The following PDE3B variants were observed in gnomAD, a reference collection of about 807,000 sequenced individuals.
PDE3B encodes cGMP-inhibited 3',5'-cyclic phosphodiesterase 3B.
A neutral mutation model predicts 116.8 loss-of-function variants in PDE3B; 66 were observed. The ratio of observed to expected loss-of-function variants is 0.56; its 90% CI spans 0.46 to 0.69. The LOEUF (loss-of-function observed/expected upper bound fraction) is 0.69. PDE3B is among the 30% of genes least tolerant of loss of function. PDE3B has a pLI of 0.00. For missense variants in PDE3B, 1,384 were observed against 1,368.1 expected, an observed-to-expected ratio of 1.01 and a Z score of -0.18; for synonymous variants, 595 against 533.6, an observed-to-expected ratio of 1.12 and a Z score of -1.59.
chr11:14,768,284 A>G (rs1397456394), intron 1 of PDE3B, among the ~76,000 whole-genome samples: 1 of 151,516 alleles, frequency 6.6e-6, no homozygotes, highest in Non-Finnish European at 1.5e-5. Context: ...TCAACCCACC[A>G]TTACTGGTGT....
chr11:14,718,723 C>T (rs1464258637), intron 1 of PDE3B, among the ~76,000 whole-genome samples: 10 of 150,060 alleles, frequency 6.7e-5, no homozygotes, highest in Non-Finnish European at 1.0e-4. Flanking sequence ...TTGAAACCAA[C>T]GAGAACAAAC....
At position 14,686,700 on chromosome 11, in the gene PDE3B, A is replaced by G. The variant is rs1854883566; in HGVS notation, c.978+41647A>G. On this transcript the variant is annotated intron_variant, in intron 1 of 15. Coordinates refer to ENST00000282096, the MANE Select transcript of PDE3B (RefSeq NM_000922.4). The stretch of plus-strand genomic sequence containing the variant: ...TTATTATTCAGTTAACAAACTGAAT[A>G]TCATTCTTTGTTTTTATTTTTATTT... Among the ~76,000 whole-genome samples, 4 of 152,120 alleles carry G rather than the reference A, an allele frequency of 2.6e-5. No homozygotes were observed. The South Asian group carries it at 6.2e-4, about 24-fold the overall frequency.
the PDE3B span, chr11:14,886,116 A>C: frequency 1.7e-6 from 1 of 593,438 alleles, no homozygotes; most frequent in Non-Finnish European, 3.0e-6. Context: ...TCATTATGCC[A>C]TTCAGTGCCT....
the PDE3B span, chr11:14,892,161 G>C: frequency 6.2e-7 from 1 of 1,610,742 alleles, no homozygotes. Flanking sequence ...AGAGCGCGCC[G>C]CCGAGCGCCG....
chr11:14,660,021 G>C (rs1853842677), intron 1 of PDE3B, among the ~76,000 whole-genome samples: 1 of 152,120 alleles, frequency 6.6e-6, no homozygotes, highest in South Asian at 2.1e-4. Context: ...TTCCATAAAA[G>C]GTTCTCTTTA....
chr11:14,739,059 T>G (rs1168673616), intron 1 of PDE3B, among the ~76,000 whole-genome samples: 1 of 152,220 alleles, frequency 6.6e-6, no homozygotes, highest in Non-Finnish European at 1.5e-5. Context: ...TTGTTCTTTT[T>G]GCTTAGGATT....
intron 4 of PDE3B, among the ~76,000 whole-genome samples, chr11:14,792,968 ACTCCT>A (rs1217847934): frequency 6.6e-6 from 1 of 151,784 alleles, no homozygotes; most frequent in African/African-American, 2.4e-5. Context: ...AGCCATTACT[ACTCCT>A]CTAAAGCCTG....
At chr11:14,674,333 C>A in intron 1 of PDE3B, 2 of 878,768 alleles carry the variant, frequency 2.3e-6, no homozygotes, top group Non-Finnish European at 3.8e-6. Flanking sequence ...TTTTGAAGTT[C>A]TTATTCTTTC....
intron 5 of PDE3B, 24 bp downstream of exon 5, chr11:14,804,074 C>CA (rs1565144679): frequency 8.0e-7 from 1 of 1,244,554 alleles, no homozygotes; most frequent in Admixed American, 1.7e-5. Context: ...CTTTATGACT[C>CA]AAATATGGGG....
chr11:14,800,606 A>G (rs564318453), intron 4 of PDE3B, among the ~76,000 whole-genome samples: 2 of 152,054 alleles, frequency 1.3e-5, no homozygotes, highest in South Asian at 2.1e-4. Context: ...CTTCATTTCA[A>G]CTTCGGTGAA....
intron 1 of PDE3B, among the ~76,000 whole-genome samples, chr11:14,761,832 T>C (rs2133888109): frequency 6.6e-6 from 1 of 152,310 alleles, no homozygotes; most frequent in Admixed American, 6.5e-5. Flanking sequence ...AATTTCTATC[T>C]GACTAATAAA....
chr11:14,877,961 T>C, the PDE3B span: 1 of 687,416 alleles, frequency 1.5e-6, no homozygotes, highest in Admixed American at 3.0e-5. Context: ...CAATCACGAC[T>C]AGTGCTTGTT....
chr11:14,719,011 T>A (rs1164057915), intron 1 of PDE3B, among the ~76,000 whole-genome samples: 2 of 112,176 alleles, frequency 1.8e-5, no homozygotes, highest in Non-Finnish European at 3.6e-5. Context: ...TCAACAAAAT[T>A]GATAGACTGC....
chr11:14,844,221 G>A (rs1334914298), intron 12 of PDE3B, among the ~76,000 whole-genome samples, 195 bp downstream of exon 12: 1 of 152,178 alleles, frequency 6.6e-6, no homozygotes, highest in African/African-American at 2.4e-5. Context: ...TCAACTTCTT[G>A]AACTAGAAAA....
chr11:14,783,222 C>G (rs1236855746), intron 2 of PDE3B, among the ~76,000 whole-genome samples: 2 of 152,206 alleles, frequency 1.3e-5, no homozygotes, highest in Non-Finnish European at 2.9e-5. Flanking sequence ...GGATCTGGAA[C>G]TAGAAATACC....
intron 1 of PDE3B, among the ~76,000 whole-genome samples, chr11:14,759,624 C>G (rs2133885525): frequency 6.7e-6 from 1 of 150,288 alleles, no homozygotes; most frequent in Admixed American, 6.6e-5. Flanking sequence ...TCTCGGCTCA[C>G]TGAAACCTCC....
chr11:14,861,430 G>A, intron 14 of PDE3B, 64 bp downstream of exon 14: 7 of 1,432,442 alleles, frequency 4.9e-6, no homozygotes, highest in Non-Finnish European at 5.9e-6. Context: ...CTACTCTTTG[G>A]GTTTTGGATA....
chr11:14,894,569 G>A, the PDE3B span, among the ~76,000 whole-genome samples: 1,893 of 152,174 alleles, frequency 0.012, 32 homozygotes, highest in African/African-American at 0.044. Flanking sequence ...TCCTTCTTTG[G>A]CATTCTTTCC....
At chr11:14,863,496 T>C (rs1847987517) in intron 14 of PDE3B, among the ~76,000 whole-genome samples, 1 of 152,190 alleles carries the variant, frequency 6.6e-6, no homozygotes, top group African/African-American at 2.4e-5. Flanking sequence ...CCACGATGCA[T>C]AATCATTGGA....
Sources: gnomAD v4.1 joint callset for allele counts (sites outside exome capture counted in the v4.1 genomes callset) on GRCh38, gnomAD v4.1.1 for gene constraint, MANE v1.5 for transcripts, NCBI Gene and HGNC (gene_info 2026-07-23, HGNC 2026-07-21) for gene names.